EDEM2: variants seen among roughly 807,000 people sequenced by gnomAD.
EDEM2 encodes ER degradation-enhancing alpha-mannosidase-like protein 2.
Under a neutral mutation model 64.8 loss-of-function variants are expected in EDEM2, and 39 were observed. That is an observed-to-expected ratio of 0.60 (90% CI 0.47 to 0.79). The LOEUF (loss-of-function observed/expected upper bound fraction) is 0.79, where lower values mean the gene tolerates loss of function less well. EDEM2 is among the 30% of genes least tolerant of loss of function. EDEM2 has a pLI of 0.00. For synonymous variants in EDEM2, 296 were observed against 291.5 expected, an observed-to-expected ratio of 1.02 and a Z score of -0.16; for missense variants, 609 against 731.3, an observed-to-expected ratio of 0.83 and a Z score of 1.93.
chr20:35,134,679 C>T (rs571576580), intron 6 of EDEM2, 59 bp downstream of exon 6: 1 of 1,590,014 alleles, frequency 6.3e-7, no homozygotes, highest in East Asian at 2.3e-5. Flanking sequence ...CAACTTATTG[C>T]TCAGAGCCCT....
At chr20:35,132,301 T>A (rs1428387698) in intron 6 of EDEM2, among the ~76,000 whole-genome samples, 1 of 152,108 alleles carries the variant, frequency 6.6e-6, no homozygotes, top group Non-Finnish European at 1.5e-5. Context: ...AGTACCCTTT[T>A]TTGTATCCTT....
At chr20:35,130,554 G>C (rs1330267016) in intron 7 of EDEM2, among the ~76,000 whole-genome samples, 3 of 151,852 alleles carry the variant, frequency 2.0e-5, no homozygotes, top group African/African-American at 4.8e-5. Context: ...TTTAGAGAGG[G>C]GGTCTTACTA....
At chr20:35,134,143 T>G (rs1206204791) in intron 6 of EDEM2, 8 of 456,116 alleles carry the variant, frequency 1.8e-5, no homozygotes, top group Non-Finnish European at 2.6e-5. Context: ...TCAATTTCCA[T>G]GGGTTAATAG....
At chr20:35,130,888 G>A (rs927297335) in intron 7 of EDEM2, among the ~76,000 whole-genome samples, 2 of 152,172 alleles carry the variant, frequency 1.3e-5, no homozygotes, top group Non-Finnish European at 2.9e-5. Context: ...AAGCACTGTG[G>A]GGAACATAAG....
At chr20:35,141,225 T>C in intron 4 of EDEM2, among the ~76,000 whole-genome samples, 1 of 150,710 alleles carries the variant, frequency 6.6e-6, no homozygotes, top group Non-Finnish European at 1.5e-5. Context: ...ATGGATTAAA[T>C]GTGCCAGTTA....
rs755221379 is a variant in EDEM2, at chr20:35,141,450, T to C, written c.364+923A>G. Among the ~76,000 whole-genome samples, 4 of 152,328 alleles carry C rather than the reference T, an allele frequency of 2.6e-5. No homozygotes were observed. The East Asian group carries it at 5.8e-4, about 22-fold the overall frequency. Reference sequence around the variant, plus strand: ...AACTGGGCTCAGAAGCTGGGAGACATAGCAGCAAGTACAGCCTCAAACTCA... The same window carrying C: ...AACTGGGCTCAGAAGCTGGGAGACACAGCAGCAAGTACAGCCTCAAACTCA... On this transcript the variant is annotated intron_variant, in intron 4 of 10. Coordinates refer to ENST00000374492, the MANE Select transcript of EDEM2 (RefSeq NM_018217.3).
chr20:35,125,808 A>C (rs1042445320), intron 8 of EDEM2, among the ~76,000 whole-genome samples: 14 of 152,242 alleles, frequency 9.2e-5, no homozygotes, highest in African/African-American at 2.9e-4. Context: ...TTGGAACACC[A>C]AAGTGGGGTA....
Position 35,127,819 on chromosome 20 carries a change from G to T in EDEM2, c.845-1444C>A, listed in dbSNP as rs542639385. ...TCATGTGCCATATAACAACATGTTG[G>T]TCAACACTGAACTGTAGAGATGGTG... is the stretch of plus-strand genomic sequence containing the variant. On this transcript the variant is annotated intron_variant, in intron 7 of 10. Coordinates refer to ENST00000374492, the MANE Select transcript of EDEM2 (RefSeq NM_018217.3). Among the ~76,000 whole-genome samples, 5 of 152,228 alleles carry T rather than the reference G, an allele frequency of 3.3e-5. No individual in the cohort carries two copies. The South Asian group carries it at 1.0e-3, about 32-fold the overall frequency.
In EDEM2 at chr20:35,144,922, A is replaced by T. The variant is rs376768875; in HGVS notation, c.258+57T>A. ...TCACCCACAGTCACGCTGCCAAAAG[A>T]GGAAGGATGTTGGTTATGTAACAGT... On this transcript the variant is annotated intron_variant, in intron 3 of 10. Transcript: ENST00000374492. 51 of 1,579,104 alleles carry T rather than the reference A, an allele frequency of 3.2e-5. No homozygotes were observed. The African/African-American group carries it at 6.3e-4, about 20-fold the overall frequency.
At chr20:35,145,596 A>T (rs1490508496) in intron 2 of EDEM2, among the ~76,000 whole-genome samples, 3 of 152,268 alleles carry the variant, frequency 2.0e-5, no homozygotes, top group Non-Finnish European at 4.4e-5. Context: ...ATGCTGACAG[A>T]AAGCAGACAG....
chr20:35,119,196 C>T (rs1213857568), intron 9 of EDEM2, among the ~76,000 whole-genome samples: 3 of 152,076 alleles, frequency 2.0e-5, no homozygotes, highest in Non-Finnish European at 2.9e-5. Flanking sequence ...TTTTTCCTGT[C>T]ACTCAGAGTC....
At chr20:35,120,003 G>T (rs1024306058) in intron 9 of EDEM2, among the ~76,000 whole-genome samples, 2 of 151,922 alleles carry the variant, frequency 1.3e-5, no homozygotes, top group African/African-American at 4.8e-5. Flanking sequence ...TTTCCTCCTG[G>T]GCTTGATCAG....
intron 4 of EDEM2, among the ~76,000 whole-genome samples, chr20:35,140,464 T>G (rs1332697005): frequency 2.0e-5 from 3 of 151,926 alleles, no homozygotes; most frequent in African/African-American, 7.3e-5. Context: ...GGTGGCAGAG[T>G]GAGACTCTAT....
Position 35,131,793 on chromosome 20 carries a change from A to G in EDEM2, c.703-10T>C. The G allele has an allele frequency of 6.2e-7, 1 of 1,612,834 alleles. No individual in the cohort carries two copies. The highest frequency in any genetic ancestry group is 8.5e-7 in the Non-Finnish European group (1 of 1,179,198). Reference sequence around the variant, plus strand: ...CAATGTGGTTGCCGACCTGAGAGAGAGAAAGACACACGGTCCCAACGGGAA... The same window carrying G: ...CAATGTGGTTGCCGACCTGAGAGAGGGAAAGACACACGGTCCCAACGGGAA... On this transcript the variant is annotated splice_polypyrimidine_tract_variant and intron_variant, in intron 6 of 10. Coordinates refer to ENST00000374492, the MANE Select transcript of EDEM2 (RefSeq NM_018217.3).
intron 4 of EDEM2, 96 bp downstream of exon 4, chr20:35,142,277 A>G (rs1383899206): frequency 3.0e-6 from 3 of 997,010 alleles, no homozygotes; most frequent in East Asian, 5.0e-5. Context: ...GGGTCCTGGC[A>G]TGGTCAGTCC....
chr20:35,138,390 G>A (rs372256556), intron 4 of EDEM2, among the ~76,000 whole-genome samples: 1 of 152,026 alleles, frequency 6.6e-6, no homozygotes, highest in South Asian at 2.1e-4. Context: ...GAGATAAAGT[G>A]ACTTGCCCCA....
rs757024039 is a variant in EDEM2 at position 35,118,496 on chromosome 20, C to A, written c.1236+102G>T. 5 of 1,549,214 alleles carry A rather than the reference C, an allele frequency of 3.2e-6. No individual in the cohort carries two copies. In the African/African-American group the frequency reaches 6.8e-5, roughly 21 times the overall value. ...ATTATGTATATCTCCAAGGTCCCTT[C>A]TAGTGCTGATATGTCAGAACTCCCA... is the stretch of plus-strand genomic sequence containing the variant. On this transcript the variant is annotated intron_variant, in intron 10 of 10. Transcript: ENST00000374492.
chr20:35,135,479 T>G lies in EDEM2; in HGVS notation c.491-530A>C, dbSNP rs8122061. ...CAGCCTGGCCAACATGGTGAAACCC[T>G]ATTTCTACTAAAAATACAAAAATTA... On this transcript the variant is annotated intron_variant, in intron 5 of 10. Transcript: ENST00000374492. 6.7e-3 allele frequency among the ~76,000 whole-genome samples: 1,018 copies of G among 152,226 alleles called. 12 individuals carry two copies. The highest frequency in any genetic ancestry group is 0.024 in the African/African-American group (986 of 41,534).
chr20:35,126,209 C>T (rs762655550), intron 8 of EDEM2, 42 bp downstream of exon 8: 2 of 1,597,426 alleles, frequency 1.3e-6, no homozygotes, highest in East Asian at 2.2e-5. Context: ...CTTGCTTTGC[C>T]AGACTCATAG....
Sources: allele counts gnomAD v4.1 joint callset (sites outside exome capture counted in the v4.1 genomes callset), GRCh38; gene constraint gnomAD v4.1.1; transcripts MANE v1.5; gene names NCBI Gene and HGNC (gene_info 2026-07-23, HGNC 2026-07-21).